Variants in DPP6 observed in about 807,000 individuals in gnomAD.
DPP6 encodes A-type potassium channel modulatory protein DPP6.
In DPP6, 69 loss-of-function variants were observed where a neutral mutation model predicts 122.6. That is an observed-to-expected ratio of 0.56 (90% CI 0.46 to 0.69). DPP6 has a LOEUF of 0.69. Ranked by LOEUF, DPP6 falls within the 30% of genes least tolerant of loss-of-function variation. The pLI is 0.00. For missense variants in DPP6, 928 were observed against 1,116.9 expected (o/e 0.83, Z 2.41); for synonymous variants, 418 against 433.1 (o/e 0.97, Z 0.43).
At chr7:153,818,254 A>G in the DPP6 span, among the ~76,000 whole-genome samples, 1 of 152,188 alleles carries the variant, frequency 6.6e-6, no homozygotes, top group South Asian at 2.1e-4. Context: ...AAGTGGCAGC[A>G]TGTGACACTG....
At chr7:154,807,363 C>G (rs193275003) in intron 16 of DPP6, among the ~76,000 whole-genome samples, 320 of 152,308 alleles carry the variant, frequency 2.1e-3, no homozygotes, top group Middle Eastern at 6.8e-3. Context: ...TCTGTGCACA[C>G]TGTGCCAGTA....
chr7:154,663,305 CATAGTGTT>C (rs2131064445), intron 6 of DPP6, among the ~76,000 whole-genome samples: 1 of 49,674 alleles, frequency 2.0e-5, no homozygotes. Context: ...GCGTATTGGC[CATAGTGTT>C]CATAGAGTCA....
chr7:153,857,427 C>A, the DPP6 span, among the ~76,000 whole-genome samples: 1 of 149,990 alleles, frequency 6.7e-6, no homozygotes, highest in Non-Finnish European at 1.5e-5. Flanking sequence ...AAGCACAACA[C>A]GAAATCTAAA....
chr7:153,940,538 G>A (rs1002437779), intron 1 of DPP6, among the ~76,000 whole-genome samples: 4 of 152,118 alleles, frequency 2.6e-5, no homozygotes, highest in African/African-American at 9.7e-5. Flanking sequence ...AGAGAGGTGA[G>A]CTGATTTACT....
chr7:154,666,430 A>G (rs955893053), intron 6 of DPP6, among the ~76,000 whole-genome samples: 10 of 152,096 alleles, frequency 6.6e-5, no homozygotes, highest in African/African-American at 2.4e-4. Flanking sequence ...TGTTATATGT[A>G]TACATTATGA....
chr7:154,238,846 A>G (rs1801387326), intron 1 of DPP6, among the ~76,000 whole-genome samples: 1 of 152,262 alleles, frequency 6.6e-6, no homozygotes, highest in African/African-American at 2.4e-5. Flanking sequence ...GCCCAGAGAC[A>G]TTAAACGATT....
chr7:154,414,413 T>C (rs2151213194), intron 1 of DPP6, among the ~76,000 whole-genome samples: 1 of 152,358 alleles, frequency 6.6e-6, no homozygotes, highest in East Asian at 1.9e-4. Flanking sequence ...TTAATCACCT[T>C]TATAATCCTT....
intron 1 of DPP6, among the ~76,000 whole-genome samples, chr7:154,274,650 GT>G (rs147420343): frequency 1.3e-5 from 2 of 151,964 alleles, no homozygotes; most frequent in Admixed American, 6.5e-5. Context: ...TGCAAAATAC[GT>G]TTTTTTTCTT....
chr7:154,253,056 A>T (rs1477307968), intron 1 of DPP6, among the ~76,000 whole-genome samples: 2 of 152,280 alleles, frequency 1.3e-5, no homozygotes. Context: ...AATCTTAAAC[A>T]TTCTGTGCAG....
At chr7:154,814,576 A>G (rs2150482679) in intron 16 of DPP6, among the ~76,000 whole-genome samples, 1 of 152,318 alleles carries the variant, frequency 6.6e-6, no homozygotes, top group South Asian at 2.1e-4. Flanking sequence ...CTTTAAAGAA[A>G]AAAAGCACTC....
Position 153,920,941 on chromosome 7 carries a change from T to G in DPP6, c.51+33207T>G, listed in dbSNP as rs139153455. 2.1e-3 allele frequency among the ~76,000 whole-genome samples: 320 copies of G among 152,336 alleles called. 2 individuals are homozygous for G. The highest frequency in any genetic ancestry group is 3.1e-3 in the Non-Finnish European group (214 of 68,032). ...GCACCAAATAAGTCACTTCCTAGAT[T>G]AAAATACTAAGTCTCAGAAGGCTTA... On this transcript the variant is annotated intron_variant, in intron 1 of 25. Transcript: ENST00000404039.
At chr7:153,870,860 G>T in the DPP6 span, among the ~76,000 whole-genome samples, 1 of 152,066 alleles carries the variant, frequency 6.6e-6, no homozygotes, top group Non-Finnish European at 1.5e-5. Context: ...GTTAGTTTTC[G>T]TTCTAACAGA....
intron 1 of DPP6, among the ~76,000 whole-genome samples, chr7:153,950,683 A>G (rs747826780): frequency 2.6e-5 from 4 of 152,164 alleles, no homozygotes; most frequent in Non-Finnish European, 5.9e-5. Context: ...CTGTGAGAAA[A>G]TAAGTGTCCT....
chr7:153,876,443 A>G, the DPP6 span, among the ~76,000 whole-genome samples: 1 of 151,952 alleles, frequency 6.6e-6, no homozygotes, highest in East Asian at 1.9e-4. Flanking sequence ...CACCAAGTAT[A>G]GGGATTGAAA....
intron 1 of DPP6, among the ~76,000 whole-genome samples, chr7:154,300,600 C>T (rs963471789): frequency 3.9e-5 from 6 of 152,102 alleles, no homozygotes; most frequent in African/African-American, 1.4e-4. Flanking sequence ...CGCCCAAGCA[C>T]TTTGGAGGGG....
intron 1 of DPP6, among the ~76,000 whole-genome samples, chr7:154,167,792 TTA>T (rs1349812089): frequency 1.3e-5 from 2 of 152,352 alleles, no homozygotes; most frequent in African/African-American, 4.8e-5. Flanking sequence ...TTCACTGACT[TTA>T]TAATTTTGCT....
At chr7:153,979,506 T>C (rs140856057) in intron 1 of DPP6, among the ~76,000 whole-genome samples, 16,720 of 152,290 alleles carry the variant, frequency 0.11, 1,102 homozygotes, top group Middle Eastern at 0.17. Flanking sequence ...ATAATTTGAC[T>C]TCCTCTCTTC....
At chr7:154,099,017 T>C (rs1217351306) in intron 1 of DPP6, among the ~76,000 whole-genome samples, 2 of 152,212 alleles carry the variant, frequency 1.3e-5, no homozygotes, top group Admixed American at 6.5e-5. Context: ...GGATTTGTTC[T>C]AATATACTGA....
At chr7:154,663,318 G>T (rs369228628) in intron 6 of DPP6, among the ~76,000 whole-genome samples, 261 of 22,872 alleles carry the variant, frequency 0.011, 2 homozygotes, top group Non-Finnish European at 0.018. Context: ...AGTGTTCATA[G>T]AGTCATGGTG....
Sources: gnomAD v4.1 joint callset for allele counts (sites outside exome capture counted in the v4.1 genomes callset) on GRCh38, gnomAD v4.1.1 for gene constraint, MANE v1.5 for transcripts, NCBI Gene and HGNC (gene_info 2026-07-23, HGNC 2026-07-21) for gene names.